Variants in ANK1 observed in about 807,000 individuals in gnomAD.
The protein encoded by ANK1 is ankyrin-1.
ANK1 carries 51 observed loss-of-function variants against 210.4 expected under a neutral mutation model. The observed-to-expected ratio is 0.24, with a 90% confidence interval of 0.19 to 0.31. ANK1 has a LOEUF of 0.31. ANK1 is among the 10% of genes least tolerant of loss of function. The pLI is 1.00. For missense variants in ANK1, 2,051 were observed against 2,504.4 expected, an observed-to-expected ratio of 0.82 and a Z score of 3.86; for synonymous variants, 967 against 1,025.9, an observed-to-expected ratio of 0.94 and a Z score of 1.10.
chr8:41,700,320 A>G, intron 22 of ANK1: 1 of 1,224,038 alleles, frequency 8.2e-7, no homozygotes, highest in Non-Finnish European at 1.2e-6. Flanking sequence ...CCAGCTTATT[A>G]GCTGTCAGAG....
chr8:41,838,577 C>A (rs1036025393), intron 1 of ANK1, among the ~76,000 whole-genome samples: 8 of 151,864 alleles, frequency 5.3e-5, no homozygotes, highest in African/African-American at 1.9e-4. Context: ...ACCAGCCTGG[C>A]CAACATGGTG....
At chr8:41,846,634 G>A (rs1278119779) in intron 1 of ANK1, among the ~76,000 whole-genome samples, 2 of 152,226 alleles carry the variant, frequency 1.3e-5, no homozygotes, top group African/African-American at 4.8e-5. Flanking sequence ...AACACATTGA[G>A]TCTCTTATCA....
chr8:41,835,764 T>C (rs1807567157), intron 1 of ANK1, among the ~76,000 whole-genome samples: 4 of 152,212 alleles, frequency 2.6e-5, no homozygotes, highest in African/African-American at 9.6e-5. Context: ...GTCTGAAATA[T>C]TTACTATGTG....
At chr8:41,847,832 G>T (rs535435559) in intron 1 of ANK1, among the ~76,000 whole-genome samples, 17 of 152,250 alleles carry the variant, frequency 1.1e-4, no homozygotes, top group African/African-American at 3.9e-4. Context: ...TAAAATGCAT[G>T]TACTCATATG....
chr8:41,724,608 A>T, intron 6 of ANK1, 54 bp from the exon 7 acceptor site: 9 of 1,509,952 alleles, frequency 6.0e-6, no homozygotes, highest in Middle Eastern at 1.7e-4. Context: ...CTTCTATCTC[A>T]GAATCAGCCC....
At chr8:41,866,703 CAG>C (rs1384160844) in intron 1 of ANK1, among the ~76,000 whole-genome samples, 3 of 152,244 alleles carry the variant, frequency 2.0e-5, no homozygotes, top group Non-Finnish European at 2.9e-5. Context: ...AGGAATCGTA[CAG>C]AGTTTGTCCT....
chr8:41,748,063 A>G (rs770496062), intron 2 of ANK1, among the ~76,000 whole-genome samples: 1 of 152,184 alleles, frequency 6.6e-6, no homozygotes, highest in Non-Finnish European at 1.5e-5. Context: ...CTGGTCAAGC[A>G]CCTGCTCTAA....
intron 1 of ANK1, among the ~76,000 whole-genome samples, chr8:41,846,395 C>G (rs555175213): frequency 1.3e-5 from 2 of 152,346 alleles, no homozygotes; most frequent in Non-Finnish European, 1.5e-5. Context: ...ACCAGATGAG[C>G]CGGGCCTGGA....
chr8:41,891,318 G>C (rs971963084), intron 1 of ANK1, among the ~76,000 whole-genome samples: 3 of 151,910 alleles, frequency 2.0e-5, no homozygotes, highest in African/African-American at 4.8e-5. Flanking sequence ...ATTGAGAGGA[G>C]AGGAGCAGAA....
At chr8:41,663,601 T>C (rs1585832714) in intron 40 of ANK1, 58 bp downstream of exon 40, 1 of 1,541,926 alleles carries the variant, frequency 6.5e-7, no homozygotes, top group South Asian at 1.1e-5. Flanking sequence ...TTCTACCACC[T>C]TTTAGCTTCT....
At chr8:41,815,840 G>A (rs1803235207) in intron 1 of ANK1, among the ~76,000 whole-genome samples, 1 of 152,034 alleles carries the variant, frequency 6.6e-6, no homozygotes, top group African/African-American at 2.4e-5. Flanking sequence ...ATGTGGAACA[G>A]GAAATATTTA....
At position 41,661,986 on chromosome 8, in the gene ANK1, C is replaced by T. The variant is rs117600369; in HGVS notation, c.5479-45G>A. ...AGGAAAGGGCTGGTCAGGCCGGGCTCGGGGGCTCATGTCTGTAATCTCAGC... is the reference window on the plus strand; with the variant it reads ...AGGAAAGGGCTGGTCAGGCCGGGCTTGGGGGCTCATGTCTGTAATCTCAGC... On this transcript the variant is annotated intron_variant, in intron 40 of 42. Coordinates refer to ENST00000289734, the MANE Select transcript of ANK1 (RefSeq NM_000037.4). 2.3e-3 allele frequency: 3,680 copies of T among 1,604,192 alleles called. 32 individuals are homozygous for T. In the East Asian group the frequency reaches 0.025, roughly 11 times the overall value.
At chr8:41,859,277 C>G (rs1219175474) in intron 1 of ANK1, among the ~76,000 whole-genome samples, 1 of 152,194 alleles carries the variant, frequency 6.6e-6, no homozygotes, top group Non-Finnish European at 1.5e-5. Context: ...TGGGCTTGGC[C>G]CTCCAACAAA....
chr8:41,860,978 C>T (rs1208080846), intron 1 of ANK1, among the ~76,000 whole-genome samples: 2 of 152,196 alleles, frequency 1.3e-5, no homozygotes, highest in Admixed American at 6.5e-5. Context: ...TTAACAACCT[C>T]GGAAATGCCT....
chr8:41,797,685 G>C, upstream of ANK1: 1 of 1,270,400 alleles, frequency 7.9e-7, no homozygotes, highest in Middle Eastern at 2.9e-4. This position sits in a 1 kb window ranked among gnomAD's most constrained non-coding sequence, Gnocchi z 4.0. Context: ...GGCGCTTGCT[G>C]TCGGGCCGGG....
At chr8:41,699,375 T>A in intron 23 of ANK1, 77 bp downstream of exon 23, 2 of 1,366,766 alleles carry the variant, frequency 1.5e-6, no homozygotes, top group East Asian at 2.3e-5. Context: ...GTGTCCTTCC[T>A]CCCTCTGGAA....
chr8:41,745,573 G>A (rs1376584889), intron 2 of ANK1, among the ~76,000 whole-genome samples: 3 of 152,196 alleles, frequency 2.0e-5, no homozygotes, highest in Non-Finnish European at 4.4e-5. Flanking sequence ...GCTGCTGGAG[G>A]AGAGGAGTGA....
intron 2 of ANK1, among the ~76,000 whole-genome samples, chr8:41,749,567 GA>G (rs33939151): frequency 1 from 151,442 of 151,444 alleles, 75,720 homozygotes; most frequent in Middle Eastern, 1. Context: ...AAAGTGCTGG[GA>G]ATTACAGGCA....
At chr8:41,745,462 T>C (rs1835875051) in intron 2 of ANK1, among the ~76,000 whole-genome samples, 1 of 152,234 alleles carries the variant, frequency 6.6e-6, no homozygotes, top group African/African-American at 2.4e-5. Context: ...ACACGGGAGA[T>C]GCGGGAATTC....
Sources: allele counts gnomAD v4.1 joint callset (sites outside exome capture counted in the v4.1 genomes callset), GRCh38; gene constraint gnomAD v4.1.1; non-coding constraint Gnocchi (gnomAD v3.1); transcripts MANE v1.5; gene names NCBI Gene and HGNC (gene_info 2026-07-23, HGNC 2026-07-21).